Variants in SOX5 observed in about 807,000 individuals in gnomAD.
SOX5 encodes the protein transcription factor SOX-5.
A neutral mutation model predicts 92.0 loss-of-function variants in SOX5; 9 were observed. That is an observed-to-expected ratio of 0.10 (90% CI 0.06 to 0.17). SOX5 has a LOEUF of 0.17. SOX5 is among the 10% of genes least tolerant of loss of function. The probability of loss-of-function intolerance (pLI) is 1.00; values close to 1 mark genes in which losing one functional copy is unlikely to be tolerated. For synonymous variants in SOX5, 344 were observed against 336.3 expected, an observed-to-expected ratio of 1.02 and a Z score of -0.25; for missense variants, 642 against 944.5, an observed-to-expected ratio of 0.68 and a Z score of 4.20.
intron 9 of SOX5, among the ~76,000 whole-genome samples, chr12:23,583,140 A>T (rs1950268311): frequency 6.6e-6 from 1 of 152,038 alleles, no homozygotes; most frequent in Non-Finnish European, 1.5e-5. Context: ...AAATAGTGCC[A>T]CACCATTCCT....
chr12:23,728,003 G>T (rs1167561240), intron 6 of SOX5, among the ~76,000 whole-genome samples: 1 of 152,098 alleles, frequency 6.6e-6, no homozygotes, highest in Non-Finnish European at 1.5e-5. Flanking sequence ...CTACCATTAG[G>T]TAATTGCCAG....
intron 3 of SOX5, among the ~76,000 whole-genome samples, chr12:23,812,256 T>C (rs1410102059): frequency 6.6e-6 from 1 of 152,090 alleles, no homozygotes; most frequent in African/African-American, 2.4e-5. Context: ...TTACTGTTTT[T>C]TTAATCATCT....
chr12:24,171,246 CAG>C (rs1426122849), intron 4 of SOX5, among the ~76,000 whole-genome samples: 35 of 103,974 alleles, frequency 3.4e-4, no homozygotes, highest in African/African-American at 1.3e-3. Context: ...TTTTTGGAGA[CAG>C]AGTCTCGCTC....
chr12:24,133,202 TGCGA>T (rs2138529909), intron 4 of SOX5, among the ~76,000 whole-genome samples: 1 of 152,310 alleles, frequency 6.6e-6, no homozygotes, highest in Admixed American at 6.5e-5. Flanking sequence ...GTCTTGCTAC[TGCGA>T]GCAAGTAGAT....
intron 4 of SOX5, among the ~76,000 whole-genome samples, chr12:24,045,807 G>A (rs1238954685): frequency 3.3e-5 from 5 of 152,198 alleles, no homozygotes; most frequent in Non-Finnish European, 5.9e-5. Flanking sequence ...ACATTTCAGT[G>A]TAGGATTCCC....
At chr12:23,537,571 T>C (rs1303757131) in intron 13 of SOX5, among the ~76,000 whole-genome samples, 1 of 152,208 alleles carries the variant, frequency 6.6e-6, no homozygotes, top group Admixed American at 6.5e-5. Context: ...TACAAAGACG[T>C]CACTTCCCAT....
At chr12:24,318,524 A>T (rs1949919786) in intron 2 of SOX5, among the ~76,000 whole-genome samples, 1 of 152,178 alleles carries the variant, frequency 6.6e-6, no homozygotes, top group Non-Finnish European at 1.5e-5. Flanking sequence ...GAACAGAGAG[A>T]CATGCTTTTA....
At chr12:24,090,667 G>T (rs898185618) in intron 4 of SOX5, among the ~76,000 whole-genome samples, 4 of 152,036 alleles carry the variant, frequency 2.6e-5, no homozygotes, top group African/African-American at 9.7e-5. Context: ...CATTATTATT[G>T]TTAACAATTC....
chr12:23,912,141 G>A (rs934450349), intron 1 of SOX5, among the ~76,000 whole-genome samples: 5 of 151,894 alleles, frequency 3.3e-5, no homozygotes, highest in Non-Finnish European at 5.9e-5. Flanking sequence ...TGGAATTATT[G>A]TACAACACTT....
chr12:23,876,850 T>C (rs767126336), intron 2 of SOX5, among the ~76,000 whole-genome samples: 1 of 152,010 alleles, frequency 6.6e-6, no homozygotes, highest in Non-Finnish European at 1.5e-5. Flanking sequence ...TGCAGGGAAA[T>C]GGATGAAGCT....
In SOX5 at chr12:24,370,476, C is replaced by CAAAAAAAAAA. The variant is rs57192965; in HGVS notation, c.-250-1847_-250-1838dup. ...TGGGCGACACTGCAAGACTCCGTCT[C>CAAAAAAAAAA]AAAAAAAAAAAAAAAAAAAGATGTA... On this transcript the variant is annotated intron_variant, in intron 1 of 4. Coordinates refer to the SOX5 transcript ENST00000446891. 1.6e-3 allele frequency among the ~76,000 whole-genome samples: 126 copies of CAAAAAAAAAA among 79,586 alleles called. 4 individuals are homozygous for CAAAAAAAAAA. Among genetic ancestry groups the CAAAAAAAAAA allele is most frequent in the African/African-American group, 3.9e-3 (77 of 19,944 alleles). 52.2% of individuals were successfully genotyped at this position (79,586 alleles called of 152,430 possible). A position where few individuals can be genotyped will look rare whatever the true frequency, so the allele number is the denominator to read the frequency against.
intron 4 of SOX5, among the ~76,000 whole-genome samples, chr12:24,204,723 G>C (rs149039865): frequency 0.015 from 2,264 of 152,224 alleles, 29 homozygotes; most frequent in Non-Finnish European, 0.021. Context: ...ATGTAGATTT[G>C]TTTAGACATC....
chr12:24,252,378 G>A (rs538617498), intron 3 of SOX5, among the ~76,000 whole-genome samples: 1 of 152,154 alleles, frequency 6.6e-6, no homozygotes, highest in South Asian at 2.1e-4. Context: ...TTTTTACATA[G>A]AGAATGTGTT....
At chr12:24,412,562 TC>T (rs957395421) in intron 1 of SOX5, among the ~76,000 whole-genome samples, 1 of 152,120 alleles carries the variant, frequency 6.6e-6, no homozygotes, top group African/African-American at 2.4e-5. Flanking sequence ...TGTATATTTC[TC>T]AGTTTCCAAG....
chr12:24,102,646 CTACCATGTCAT>C (rs765122160), intron 4 of SOX5, among the ~76,000 whole-genome samples: 10 of 152,210 alleles, frequency 6.6e-5, no homozygotes, highest in Non-Finnish European at 1.2e-4. Flanking sequence ...TTCCAGGGCA[CTACCATGTCAT>C]TGAAACATCT....
chr12:24,085,728 A>G (rs1943907121), intron 4 of SOX5, among the ~76,000 whole-genome samples: 1 of 152,008 alleles, frequency 6.6e-6, no homozygotes. Flanking sequence ...GAAATTTGTT[A>G]TATTTGAAAG....
Position 24,431,113 on chromosome 12 carries a change from A to G in SOX5, c.-250-62474T>C, listed in dbSNP as rs1938221939. 3.3e-5 allele frequency among the ~76,000 whole-genome samples: 5 copies of G among 152,212 alleles called. No individual in the cohort carries two copies. In the South Asian group the frequency reaches 1.0e-3, roughly 32 times the overall value. On this transcript the variant is annotated intron_variant, in intron 1 of 4. Transcript: ENST00000446891. ...TCATATTGTTTATTGTAGACCAGGC[A>G]GTGTATATGTCTGTCTATATCTATA...
chr12:24,356,896 C>T (rs1954901880), intron 2 of SOX5, among the ~76,000 whole-genome samples: 1 of 152,100 alleles, frequency 6.6e-6, no homozygotes, highest in Admixed American at 6.6e-5. Flanking sequence ...TTCTATTAAC[C>T]AATGAAGAGT....
intron 2 of SOX5, among the ~76,000 whole-genome samples, chr12:24,316,105 A>G (rs1949673901): frequency 6.6e-6 from 1 of 152,216 alleles, no homozygotes; most frequent in African/African-American, 2.4e-5. Flanking sequence ...TATTCTCTTC[A>G]TTGGTAATTA....
Sources: gnomAD v4.1 joint callset for allele counts (sites outside exome capture counted in the v4.1 genomes callset) on GRCh38, gnomAD v4.1.1 for gene constraint, MANE v1.5 for transcripts, NCBI Gene and HGNC (gene_info 2026-07-23, HGNC 2026-07-21) for gene names.